Variants in LMF1 observed in about 807,000 individuals in gnomAD.
LMF1 encodes the protein lipase maturation factor 1.
Under a neutral mutation model 60.6 loss-of-function variants are expected in LMF1, and 68 were observed. The observed-to-expected ratio is 1.12, with a 90% CI of 0.92 to 1.37. The LOEUF (loss-of-function observed/expected upper bound fraction) is 1.37. Ranked by LOEUF, LMF1 falls within the 40% of genes most tolerant of loss-of-function variation. The pLI, the probability that LMF1 is intolerant of heterozygous loss-of-function variation, is 0.00. For synonymous variants in LMF1, 418 were observed against 324.7 expected, an observed-to-expected ratio of 1.29 and a Z score of -3.09; for missense variants, 948 against 767.2, an observed-to-expected ratio of 1.24 and a Z score of -2.78.
At chr16:855,683 C>A (rs1343819733) in intron 10 of LMF1, 2 of 455,720 alleles carry the variant, frequency 4.4e-6, no homozygotes, top group Non-Finnish European at 8.8e-6. Flanking sequence ...GAGCTGGGCC[C>A]CAGCTGCCCG....
Position 893,077 on chromosome 16 carries a change from A to T in LMF1, c.664-5T>A. The T allele has an allele frequency of 6.4e-7, 1 of 1,553,516 alleles. No individual in the cohort carries two copies. On this transcript the variant is annotated splice_region_variant and splice_polypyrimidine_tract_variant and intron_variant, in intron 4 of 10. Coordinates refer to ENST00000262301, the MANE Select transcript of LMF1 (RefSeq NM_022773.4). ...CCCCCGGATCTTGATCAGGCCCTGCAAGGAAGAGAGCAGAGGGAGAGTCAG... is the reference window on the plus strand; with the variant it reads ...CCCCCGGATCTTGATCAGGCCCTGCTAGGAAGAGAGCAGAGGGAGAGTCAG...
At chr16:941,236 A>ATT (rs535526108) in intron 2 of LMF1, among the ~76,000 whole-genome samples, 9 of 148,392 alleles carry the variant, frequency 6.1e-5, no homozygotes, top group South Asian at 2.1e-4. Flanking sequence ...TTTTAAATTG[A>ATT]TTTTTTTTTT....
intron 10 of LMF1, among the ~76,000 whole-genome samples, chr16:859,907 GC>G (rs200758366): frequency 3.1e-3 from 381 of 123,574 alleles, no homozygotes; most frequent in African/African-American, 0.014. Flanking sequence ...GGATGGGTGT[GC>G]AGTGGTGTCA....
At chr16:906,546 G>A (rs776608894) in intron 4 of LMF1, among the ~76,000 whole-genome samples, 6 of 152,106 alleles carry the variant, frequency 3.9e-5, no homozygotes, top group Non-Finnish European at 5.9e-5. Context: ...ACTCGGGACC[G>A]GCTCTCCTTG....
chr16:855,741 A>C (rs1204931118), intron 10 of LMF1: 12 of 455,912 alleles, frequency 2.6e-5, no homozygotes, highest in Admixed American at 2.6e-4. Flanking sequence ...TGGCCCCTGG[A>C]ATGAGCCCAG....
intron 1 of LMF1, among the ~76,000 whole-genome samples, chr16:957,534 A>T (rs888868507): frequency 1.3e-5 from 2 of 152,250 alleles, no homozygotes; most frequent in African/African-American, 4.8e-5. Context: ...AATTCGGCAC[A>T]ATCTGAACCA....
chr16:948,900 G>C (rs2072341830), intron 2 of LMF1, among the ~76,000 whole-genome samples: 1 of 96,748 alleles, frequency 1.0e-5, no homozygotes, highest in African/African-American at 6.2e-5. Flanking sequence ...GCCAACGACA[G>C]AGTCAGCCAA....
intron 2 of LMF1, 154 bp downstream of exon 2, chr16:954,203 C>A: frequency 1.2e-6 from 1 of 826,990 alleles, no homozygotes; most frequent in Non-Finnish European, 2.0e-6. Context: ...GGTGCACTGG[C>A]CGCTCTGCCA....
chr16:925,583 A>G (rs1453735912), intron 3 of LMF1, among the ~76,000 whole-genome samples: 5 of 152,104 alleles, frequency 3.3e-5, no homozygotes, highest in Non-Finnish European at 7.3e-5. Flanking sequence ...GAAAATAAAA[A>G]AATTAATCGG....
At chr16:950,365 GGCCAACGACAGAGTC>G (rs2072413122) in intron 2 of LMF1, among the ~76,000 whole-genome samples, 1 of 112,596 alleles carries the variant, frequency 8.9e-6, no homozygotes. Flanking sequence ...GACAGAGTCA[GGCCAACGACAGAGTC>G]AGCCAATGAC....
intron 3 of LMF1, among the ~76,000 whole-genome samples, chr16:928,076 A>C (rs1471793175): frequency 6.6e-6 from 1 of 152,148 alleles, no homozygotes; most frequent in African/African-American, 2.4e-5. Flanking sequence ...CCTGCAACGA[A>C]ACCTGGGCCG....
rs180795583 is a variant in LMF1 at position 947,422 on chromosome 16, A to G, written c.503+6935T>C. The G allele has an allele frequency of 8.8e-5, 40 of 453,154 alleles. No individual in the cohort carries two copies. In the East Asian group the frequency reaches 2.6e-3, roughly 29 times the overall value. 28.1% of individuals were successfully genotyped at this position (453,154 alleles called of 1,614,324 possible). ...TACATTGAAGTCCTGGAGCCCAAAC[A>G]TGCTGTTCATCGTCAGTGAGAAATG... On this transcript the variant is annotated intron_variant, in intron 2 of 10. Transcript: ENST00000262301.
At chr16:929,899 G>T (rs749902299) in intron 3 of LMF1, among the ~76,000 whole-genome samples, 2 of 151,866 alleles carry the variant, frequency 1.3e-5, no homozygotes, top group African/African-American at 2.4e-5. Flanking sequence ...AGCAGTGGTC[G>T]TGTACGTGTG....
intron 3 of LMF1, among the ~76,000 whole-genome samples, chr16:930,164 G>T (rs1053635782): frequency 1.4e-5 from 2 of 140,416 alleles, no homozygotes; most frequent in African/African-American, 5.2e-5. Flanking sequence ...CAGGACCCTG[G>T]GACACAGAGC....
At chr16:886,556 C>T (rs2070313714) in intron 5 of LMF1, among the ~76,000 whole-genome samples, 10 of 137,724 alleles carry the variant, frequency 7.3e-5, no homozygotes, top group Admixed American at 7.1e-4. Flanking sequence ...TTCCCCAGGC[C>T]CCTCCCACCC....
chr16:951,892 C>T (rs985709091), intron 2 of LMF1, among the ~76,000 whole-genome samples: 2 of 152,230 alleles, frequency 1.3e-5, no homozygotes, highest in African/African-American at 4.8e-5. Flanking sequence ...CTCATGTGAA[C>T]GTGATGTGCG....
At chr16:969,341 T>C (rs1432215506) in intron 1 of LMF1, among the ~76,000 whole-genome samples, 2 of 151,656 alleles carry the variant, frequency 1.3e-5, no homozygotes, top group African/African-American at 4.9e-5. Context: ...TAAAATAAAA[T>C]AGTTGCTTTA....
intron 5 of LMF1, among the ~76,000 whole-genome samples, chr16:887,600 G>C (rs1241870336): frequency 6.6e-6 from 1 of 152,164 alleles, no homozygotes; most frequent in African/African-American, 2.4e-5. Context: ...CCCACGCCTG[G>C]AGGCCCCGCA....
rs1274440323 is a variant in LMF1 at position 897,237 on chromosome 16, T to G, written c.664-4165A>C. ...AACTCGAAGTGTCTTGACGGTCGTA[T>G]GCGGAGAAGGAGACACTCTGTGGAG... On this transcript the variant is annotated intron_variant, in intron 4 of 10. Coordinates refer to ENST00000262301, the MANE Select transcript of LMF1 (RefSeq NM_022773.4). This position sits in a 1 kb window ranked among gnomAD's most constrained non-coding sequence, Gnocchi z 4.3. Among the ~76,000 whole-genome samples the G allele has an allele frequency of 6.6e-6, 1 of 152,222 alleles. No individual in the cohort carries two copies. Among genetic ancestry groups the G allele is most frequent in the Admixed American group, 6.5e-5 (1 of 15,288 alleles).
Sources: allele counts gnomAD v4.1 joint callset (sites outside exome capture counted in the v4.1 genomes callset), GRCh38; gene constraint gnomAD v4.1.1; non-coding constraint Gnocchi (gnomAD v3.1); transcripts MANE v1.5; gene names NCBI Gene and HGNC (gene_info 2026-07-23, HGNC 2026-07-21).